CCDC180: variants seen among roughly 807,000 people sequenced by gnomAD.
The protein encoded by CCDC180 is coiled-coil domain-containing protein 180.
A neutral mutation model predicts 209.2 loss-of-function variants in CCDC180; 154 were observed. That is an observed-to-expected ratio of 0.74 (90% CI 0.65 to 0.84). CCDC180 has a LOEUF of 0.84. Ranked by LOEUF, CCDC180 falls within the 40% of genes least tolerant of loss-of-function variation. CCDC180 has a pLI of 0.00. For missense variants in CCDC180, 1,874 were observed against 1,997.3 expected (o/e 0.94, Z 1.18); for synonymous variants, 778 against 749.1 (o/e 1.04, Z -0.63).
chr9:97,307,642 G>T, upstream of CCDC180: 1 of 1,232,560 alleles, frequency 8.1e-7, no homozygotes, highest in Non-Finnish European at 1.2e-6. Context: ...TAGAGTTCCA[G>T]TCCCAACCGA....
chr9:97,364,451 G>T, intron 29 of CCDC180: 1 of 301,430 alleles, frequency 3.3e-6, no homozygotes, highest in South Asian at 3.4e-5. Context: ...TTCCTTTATT[G>T]TAACTCCAGT....
At position 97,354,628 on chromosome 9, in the gene CCDC180, TGGAGAA is replaced by T; in HGVS notation, c.3066_3071del (p.Lys1023_Glu1024del). The T allele has an allele frequency of 6.2e-7, 1 of 1,614,242 alleles. No individual in the cohort carries two copies. The highest frequency in any genetic ancestry group is 8.5e-7 in the Non-Finnish European group (1 of 1,180,046). On this transcript the variant is annotated inframe_deletion, in exon 23 of 37. Coordinates refer to ENST00000529487, the MANE Select transcript of CCDC180 (RefSeq NM_020893.6). ...GAAATCAATTCACTGTGTTCCCGAC[TGGAGAA>T]GGAAGCTGCCCGGATAGAGTTGGTT...
At chr9:97,330,012 G>T (rs370049864) in intron 16 of CCDC180, 142 bp from the exon 17 acceptor site, 2 of 679,100 alleles carry the variant, frequency 2.9e-6, no homozygotes, top group African/African-American at 2.0e-5. Flanking sequence ...AGCTTGCAGC[G>T]AACCAAGACC....
chr9:97,365,148 C>T (rs1024813287), intron 29 of CCDC180: 2 of 152,394 alleles, frequency 1.3e-5, no homozygotes, highest in African/African-American at 2.4e-5. Flanking sequence ...GTGAAAAGTT[C>T]CAAGTTGGCT....
intron 21 of CCDC180, among the ~76,000 whole-genome samples, chr9:97,349,914 G>A (rs1226096724): frequency 2.0e-5 from 3 of 152,154 alleles, no homozygotes; most frequent in Non-Finnish European, 4.4e-5. Context: ...GAGCCACCTT[G>A]CTGGGGGTCA....
intron 2 of CCDC180, among the ~76,000 whole-genome samples, chr9:97,309,035 T>TA (rs967182871): frequency 1.3e-5 from 2 of 152,238 alleles, no homozygotes; most frequent in Non-Finnish European, 2.9e-5. Flanking sequence ...CCTCAGGTTA[T>TA]AAAAAATTAT....
intron 1 of CCDC180, 52 bp from the exon 2 acceptor site, chr9:97,307,931 G>A: frequency 6.3e-7 from 1 of 1,578,746 alleles, no homozygotes; most frequent in South Asian, 1.2e-5. Flanking sequence ...GCCAGACGTC[G>A]TCCCGCCTGG....
Position 97,366,430 on chromosome 9 carries a change from T to C in CCDC180, c.4048-129T>C. The C allele has an allele frequency of 2.2e-6, 2 of 921,026 alleles. No individual in the cohort carries two copies. The highest frequency in any genetic ancestry group is 3.3e-6 in the Non-Finnish European group (2 of 615,236). The allele number at this position is 921,026 out of a possible 1,614,324, so 57.1% of individuals were successfully genotyped here. ...AGGGAAGGAGGAGTGTCTGCTCGTG[T>C]CACTTCCACAGGGGATGCCACGAGC... On this transcript the variant is annotated intron_variant, in intron 30 of 36. Coordinates refer to ENST00000529487, the MANE Select transcript of CCDC180 (RefSeq NM_020893.6). This position sits in a 1 kb window ranked among gnomAD's most constrained non-coding sequence, Gnocchi z 4.3.
At position 97,368,569 on chromosome 9, in the gene CCDC180, C is replaced by G. The variant is rs956340619; in HGVS notation, c.4190-1353C>G. Among the ~76,000 whole-genome samples the G allele has an allele frequency of 2.0e-5, 3 of 152,108 alleles. No homozygotes were observed. The East Asian group carries it at 5.8e-4, about 29-fold the overall frequency. ...AGAAAAAAAACTCCAAAGAGAAATC[C>G]AGAACTATATGCCAGTCCCTGTGTG... On this transcript the variant is annotated intron_variant, in intron 31 of 36. Transcript: ENST00000529487.
intron 34 of CCDC180, chr9:97,374,279 A>T (rs1827179572): frequency 2.2e-6 from 1 of 444,756 alleles, no homozygotes; most frequent in African/African-American, 2.0e-5. Context: ...CAGCAACGTC[A>T]GAGCATCAGG....
chr9:97,313,153 C>T, intron 4 of CCDC180, 83 bp from the exon 5 acceptor site: 2 of 846,792 alleles, frequency 2.4e-6, no homozygotes, highest in Non-Finnish European at 4.0e-6. Context: ...AGCCAGGCCT[C>T]AGTGTGCAGG....
At chr9:97,362,580 T>G in intron 28 of CCDC180, 139 bp downstream of exon 28, 1 of 1,267,002 alleles carries the variant, frequency 7.9e-7, no homozygotes, top group Non-Finnish European at 1.1e-6. Flanking sequence ...CGGGGCGCAG[T>G]GAGGGGTGAG....
At chr9:97,318,693 C>T (rs1291136253) in intron 10 of CCDC180, 111 bp downstream of exon 10, 11 of 1,417,778 alleles carry the variant, frequency 7.8e-6, no homozygotes, top group Non-Finnish European at 1.0e-5. Flanking sequence ...AGCAGACCAA[C>T]TCCCAGCTCT....
chr9:97,367,812 A>G (rs935193802), intron 31 of CCDC180, among the ~76,000 whole-genome samples: 1 of 152,188 alleles, frequency 6.6e-6, no homozygotes, highest in African/African-American at 2.4e-5. Context: ...GCAGATATTA[A>G]TAACACCCAC....
chr9:97,328,653 A>G (rs1439855296), intron 16 of CCDC180, among the ~76,000 whole-genome samples: 4 of 151,524 alleles, frequency 2.6e-5, no homozygotes, highest in Non-Finnish European at 4.4e-5. Flanking sequence ...CTCTGCTGGG[A>G]CCCCTCTGTC....
intron 16 of CCDC180, 42 bp downstream of exon 16, chr9:97,328,188 G>A: frequency 6.3e-7 from 1 of 1,599,110 alleles, no homozygotes; most frequent in Non-Finnish European, 8.5e-7. Context: ...TCATGAAGAA[G>A]CTAAGGGAGA....
At chr9:97,344,655 C>T (rs1017383748) in intron 19 of CCDC180, among the ~76,000 whole-genome samples, 1 of 152,114 alleles carries the variant, frequency 6.6e-6, no homozygotes, top group Non-Finnish European at 1.5e-5. Context: ...CCAGACAGAC[C>T]CTGTAACTCC....
In CCDC180 at chr9:97,309,408, A is replaced by G. The variant is rs533554585; in HGVS notation, c.70-6A>G. 35 of 1,597,902 alleles carry G rather than the reference A, an allele frequency of 2.2e-5. No individual in the cohort carries two copies. The highest frequency in any genetic ancestry group is 1.9e-4 in the African/African-American group (14 of 73,968). ...CTCCCCCATCCTTGGTCCTCCCTGG[A>G]TTCAGGTGCAGCTGGTCCACTCCCT... On this transcript the variant is annotated splice_region_variant and splice_polypyrimidine_tract_variant and intron_variant, in intron 2 of 36. Coordinates refer to ENST00000529487, the MANE Select transcript of CCDC180 (RefSeq NM_020893.6).
At chr9:97,337,874 C>T (rs1825957965) in intron 18 of CCDC180, among the ~76,000 whole-genome samples, 2 of 152,188 alleles carry the variant, frequency 1.3e-5, no homozygotes, top group Admixed American at 6.5e-5. Flanking sequence ...GATTCAACTT[C>T]TTCCTGGTTT....
Sources: gnomAD v4.1 joint callset for allele counts (sites outside exome capture counted in the v4.1 genomes callset) on GRCh38, gnomAD v4.1.1 for gene constraint, Gnocchi (gnomAD v3.1) non-coding constraint, MANE v1.5 for transcripts, NCBI Gene and HGNC (gene_info 2026-07-23, HGNC 2026-07-21) for gene names.